The following DOCK6 variants were observed in gnomAD, a reference collection of about 807,000 sequenced individuals.
DOCK6 encodes the protein dedicator of cytokinesis protein 6.
A neutral mutation model predicts 230.3 loss-of-function variants in DOCK6; 167 were observed. That is an observed-to-expected ratio of 0.73 (90% CI 0.64 to 0.82). The LOEUF (loss-of-function observed/expected upper bound fraction) is 0.82. Among genes scored for constraint, DOCK6 ranks in the 40% least tolerant of loss-of-function variants. The probability of loss-of-function intolerance (pLI) is 0.00; values close to 1 mark genes in which losing one functional copy is unlikely to be tolerated. For missense variants in DOCK6, 2,598 were observed against 2,825.8 expected, an observed-to-expected ratio of 0.92 and a Z score of 1.83; for synonymous variants, 1,148 against 1,185.0, an observed-to-expected ratio of 0.97 and a Z score of 0.64.
At position 11,222,185 on chromosome 19, in the gene DOCK6, G is replaced by A. The variant is rs370060122; in HGVS notation, c.3304C>T (p.Pro1102Ser). 1.2e-6 allele frequency: 2 copies of A among 1,608,984 alleles called. No homozygotes were observed. The highest frequency in any genetic ancestry group is 1.7e-6 in the Non-Finnish European group (2 of 1,177,940). ...KVTSMFELSG[P>S]FRQQHFLAGL... Reference sequence around the variant, plus strand: ...GCTAGGAAGTGCTGCTGCCGGAATGGTCCACTCAGTTCGAACATGCTGGTC... The same window carrying A: ...GCTAGGAAGTGCTGCTGCCGGAATGATCCACTCAGTTCGAACATGCTGGTC... Residue 1102 changes from proline to serine, a missense_variant, in exon 27 of 48, where the codon CCA becomes TCA. Physicochemically the swap from Pro to Ser is moderately conservative, Grantham distance 74 (BLOSUM62 -1). Transcript: ENST00000294618. This position sits in a 1 kb window ranked among gnomAD's most constrained non-coding sequence, Gnocchi z 4.0.
chr19:11,229,932 T>C (rs1346812398), intron 22 of DOCK6, among the ~76,000 whole-genome samples: 1 of 150,948 alleles, frequency 6.6e-6, no homozygotes, highest in East Asian at 2.0e-4. Context: ...TAGTCCCAGC[T>C]GCTCAGGAGG....
Position 11,252,967 on chromosome 19 carries a change from G to T in DOCK6, c.133-9C>A. 1 of 1,598,118 alleles carries T rather than the reference G, an allele frequency of 6.3e-7. No homozygotes were observed. The highest frequency in any genetic ancestry group is 1.1e-5 in the South Asian group (1 of 88,728). ...ACTTCAGTCAGTGGGACCTGGATTG[G>T]AGCAAAGTGGCTGTGATCGCACTAC... On this transcript the variant is annotated splice_polypyrimidine_tract_variant and intron_variant, in intron 2 of 47. Transcript: ENST00000294618.
chr19:11,213,413 G>T, intron 34 of DOCK6, 85 bp from the exon 35 acceptor site: 1 of 1,525,184 alleles, frequency 6.6e-7, no homozygotes. Context: ...GGACTGCTTG[G>T]GCAGGGGTTT....
rs575343133 is a variant in DOCK6, at chr19:11,242,677, C to A, written c.1480+382G>T. ...AAAGTGCTGGCATTACAGGTATGAG[C>A]CATCACACCTGGCCCCCAGGCTGGT... On this transcript the variant is annotated intron_variant, in intron 13 of 47. Transcript: ENST00000294618. Among the ~76,000 whole-genome samples, 5 of 152,010 alleles carry A rather than the reference C, an allele frequency of 3.3e-5. No homozygotes were observed. In the East Asian group the frequency reaches 9.7e-4, roughly 29 times the overall value.
chr19:11,241,815 C>A, intron 14 of DOCK6: 1 of 1,462,194 alleles, frequency 6.8e-7, no homozygotes, highest in East Asian at 2.5e-5. Flanking sequence ...CACTTCTGAG[C>A]ACAGAGCAGA....
chr19:11,251,292 T>C, intron 5 of DOCK6: 1 of 577,598 alleles, frequency 1.7e-6, no homozygotes, highest in Admixed American at 3.0e-5. Context: ...TTACCATTGC[T>C]GGGGGAGGCT....
In DOCK6 at chr19:11,227,464, G is replaced by C; in HGVS notation, c.2828C>G (p.Ala943Gly). 1.3e-6 allele frequency: 2 copies of C among 1,588,276 alleles called. No homozygotes were observed. The highest frequency in any genetic ancestry group is 2.3e-5 in the South Asian group (2 of 88,238). ...TCGCTGGCCAAGCAGCAGGTGCAGC[G>C]CCATACTCTTCACCTGGGGGTGGGG... is the stretch of plus-strand genomic sequence containing the variant. ...FFFQLMVKSM[A>G]LHLLLGQRLD... is the part of the protein sequence containing the mutation. Residue 943 changes from alanine to glycine, a missense_variant, in exon 24 of 48, where the codon GCG (alanine) becomes GGG (glycine). By Grantham distance (60) the Ala-to-Gly change is moderately conservative (BLOSUM62 0). Transcript: ENST00000294618.
chr19:11,207,140 T>C (rs2079275802), intron 39 of DOCK6, among the ~76,000 whole-genome samples: 1 of 152,046 alleles, frequency 6.6e-6, no homozygotes, highest in Non-Finnish European at 1.5e-5. Context: ...GCCTGGGATT[T>C]GCTTTAAGCT....
chr19:11,233,215 G>T lies in DOCK6; in HGVS notation c.2706C>A (p.Ile902=). The change falls in exon 22 of 48, where the codon ATC becomes ATA. Residue 902 remains isoleucine, a synonymous_variant. Coordinates refer to ENST00000294618, the MANE Select transcript of DOCK6 (RefSeq NM_020812.4). The stretch of plus-strand genomic sequence containing the variant: ...CCCGTTGCCCTACCTTGCTGGCCAG[G>T]ATGCGGGAAACCTCGTCATCCACAG... ...PGSVDDEVSR[I]LASKLLHEEL... is the part of the protein sequence containing the mutation. 6.2e-7 allele frequency: 1 copy of T among 1,613,458 alleles called. No homozygotes were observed. Among genetic ancestry groups the T allele is most frequent in the Non-Finnish European group, 8.5e-7 (1 of 1,179,772 alleles).
intron 1 of DOCK6, 71 bp from the exon 2 acceptor site, chr19:11,253,797 G>T: frequency 9.0e-7 from 1 of 1,108,832 alleles, no homozygotes; most frequent in Non-Finnish European, 1.3e-6. Flanking sequence ...TTCTTTCTAT[G>T]AGGAAAATCC....
At position 11,233,202 on chromosome 19, in the gene DOCK6, C is replaced by A; in HGVS notation, c.2718+1G>T. On this transcript the variant is annotated splice_donor_variant, in intron 22 of 47. Coordinates refer to ENST00000294618, the MANE Select transcript of DOCK6 (RefSeq NM_020812.4). LOFTEE classifies it high-confidence loss of function. ...AGATTCCAGGGCCCCCGTTGCCCTA[C>A]CTTGCTGGCCAGGATGCGGGAAACC... 6.2e-7 allele frequency: 1 copy of A among 1,612,888 alleles called. No homozygotes were observed.
intron 22 of DOCK6, among the ~76,000 whole-genome samples, chr19:11,232,961 T>C (rs922449770): frequency 6.6e-6 from 1 of 152,038 alleles, no homozygotes; most frequent in African/African-American, 2.4e-5. Context: ...TATTGCTCTT[T>C]GTTCAGCCAC....
At chr19:11,234,358 C>T (rs1243182654) in intron 21 of DOCK6, among the ~76,000 whole-genome samples, 1 of 151,378 alleles carries the variant, frequency 6.6e-6, no homozygotes, top group Admixed American at 6.6e-5. Context: ...CCACTTGCCT[C>T]AGCCTCCCAA....
At chr19:11,246,353 G>A (rs920833785) in intron 7 of DOCK6, among the ~76,000 whole-genome samples, 13 of 152,092 alleles carry the variant, frequency 8.5e-5, no homozygotes, top group Admixed American at 5.2e-4. Flanking sequence ...TGATGCCCCC[G>A]CCTCTGCCTC....
chr19:11,243,259 T>G lies in DOCK6; in HGVS notation c.1385A>C (p.Gln462Pro), dbSNP rs1320408640. The G allele has an allele frequency of 1.2e-6, 2 of 1,612,342 alleles. No individual in the cohort carries two copies. The change falls in exon 12 of 48, where the codon CAG (glutamine) becomes CCG (proline). Residue 462 changes from glutamine (Q) to proline (P), a missense_variant and splice_region_variant. Coordinates refer to ENST00000294618, the MANE Select transcript of DOCK6 (RefSeq NM_020812.4). This position sits in a 1 kb window ranked among gnomAD's most constrained non-coding sequence, Gnocchi z 6.3. ...GTCCCTGGCCCCAGGGTAGGACACCTGCTTAAAGAAGTTTGTGACAGTTAG... is the reference window on the plus strand; with the variant it reads ...GTCCCTGGCCCCAGGGTAGGACACCGGCTTAAAGAAGTTTGTGACAGTTAG... ...ATLTVTNFFK[Q>P]EAERLSDEDL...
chr19:11,215,592 G>A (rs1300704683), intron 31 of DOCK6, 121 bp from the exon 32 acceptor site: 13 of 1,280,744 alleles, frequency 1.0e-5, no homozygotes, highest in Non-Finnish European at 1.4e-5. Flanking sequence ...ACTGGGTGGA[G>A]CAGAAGCCTG....
Position 11,215,867 on chromosome 19 carries a change from C to A in DOCK6, c.3955G>T (p.Ala1319Ser). ...LTFKKSLDMK[A>S]RLEEAILGTI... ...CCCAGAATGGCTTCCTCTAGCCGCG[C>A]CTTCATATCCAGAGATTTTTTGAAT... Residue 1319 changes from alanine to serine, a missense_variant, in exon 31 of 48, where the codon GCG becomes TCG. By Grantham distance (99) the Ala-to-Ser change is moderately conservative (BLOSUM62 1). Transcript: ENST00000294618. The A allele has an allele frequency of 1.2e-6, 2 of 1,613,908 alleles. No individual in the cohort carries two copies.
rs1600846013 is a variant in DOCK6 at position 11,204,107 on chromosome 19, A to C, written c.5221-12T>G. The C allele has an allele frequency of 1.3e-6, 2 of 1,514,598 alleles. No homozygotes were observed. Among genetic ancestry groups the C allele is most frequent in the Non-Finnish European group, 1.8e-6 (2 of 1,125,762 alleles). 93.8% of individuals were successfully genotyped at this position (1,514,598 alleles called of 1,614,324 possible). On this transcript the variant is annotated splice_polypyrimidine_tract_variant and intron_variant, in intron 40 of 47. Transcript: ENST00000294618. ...TCCCAGCCGGAACTCTGTGGGGAAG[A>C]GAAGGGTCAAGGTCAGCAGATCCCT... is the stretch of plus-strand genomic sequence containing the variant.
rs754257812 is a variant in DOCK6 at position 11,228,963 on chromosome 19, C to T, written c.2791G>A (p.Ala931Thr). Residue 931 changes from alanine (A) to threonine (T), a missense_variant, in exon 23 of 48, where the codon GCC becomes ACC. Physicochemically the swap from Ala to Thr is moderately conservative, Grantham distance 58. Coordinates refer to ENST00000294618, the MANE Select transcript of DOCK6 (RefSeq NM_020812.4). ...ACCATGAGCTGGAAGAAGAACCAGG[C>T]GTGCTGGAGGATGGCCTCGCGTACG... The part of the protein sequence containing the change: ...SAVREAILQH[A>T]WFFFQLMVKS... The T allele has an allele frequency of 9.9e-6, 16 of 1,613,400 alleles. No individual in the cohort carries two copies. Among genetic ancestry groups the T allele is most frequent in the African/African-American group, 6.7e-5 (5 of 74,808 alleles).
Sources: gnomAD v4.1 joint callset for allele counts (sites outside exome capture counted in the v4.1 genomes callset) on GRCh38, gnomAD v4.1.1 for gene constraint, Gnocchi (gnomAD v3.1) non-coding constraint, MANE v1.5 for transcripts, NCBI Gene and HGNC (gene_info 2026-07-23, HGNC 2026-07-21) for gene names.